PGM1: variants seen among roughly 807,000 people sequenced by gnomAD.
PGM1 encodes the protein phosphoglucomutase 1.
PGM1 carries 52 observed loss-of-function variants against 55.6 expected under a neutral mutation model. The ratio of observed to expected loss-of-function variants is 0.94; its 90% CI spans 0.75 to 1.18. The LOEUF is 1.18. Ranked by LOEUF, PGM1 falls within the 50% of genes most tolerant of loss-of-function variation. The probability of loss-of-function intolerance (pLI) is 0.00; values close to 1 mark genes in which losing one functional copy is unlikely to be tolerated. For missense variants in PGM1, 724 were observed against 729.3 expected (o/e 0.99, Z 0.08); for synonymous variants, 287 against 271.7 (o/e 1.06, Z -0.55).
At chr1:63,641,227 T>A (rs1471117518) in intron 7 of PGM1, among the ~76,000 whole-genome samples, 1 of 152,256 alleles carries the variant, frequency 6.6e-6, no homozygotes, top group Non-Finnish European at 1.5e-5. Flanking sequence ...CTTGGTATAT[T>A]TCATGTCCAA....
rs933809125 is a variant in PGM1, at chr1:63,631,565, A to G, written c.557-92A>G. 18 of 1,198,956 alleles carry G rather than the reference A, an allele frequency of 1.5e-5. No individual in the cohort carries two copies. In the African/African-American group the frequency reaches 2.4e-4, roughly 16 times the overall value. 74.3% of individuals were successfully genotyped at this position (1,198,956 alleles called of 1,614,324 possible). A position where few individuals can be genotyped will look rare whatever the true frequency, so the allele number is the denominator to read the frequency against. On this transcript the variant is annotated intron_variant, in intron 3 of 10. Transcript: ENST00000371084. ...CAATAATTGTCCTTTTAAAATAGCA[A>G]TAGCAGGTTTACAGCAATATAGTCA...
intron 6 of PGM1, among the ~76,000 whole-genome samples, chr1:63,638,462 T>C (rs1377961887): frequency 6.6e-6 from 1 of 152,224 alleles, no homozygotes; most frequent in African/African-American, 2.4e-5. Context: ...AACTCCATGA[T>C]CTGAATTAAT....
intron 1 of PGM1, among the ~76,000 whole-genome samples, chr1:63,616,853 A>G (rs2269263): frequency 0.11 from 16,623 of 152,226 alleles, 1,233 homozygotes; most frequent in Non-Finnish European, 0.15. Context: ...TTTTCTTTAG[A>G]GAACATTTCC....
chr1:63,636,647 G>T (rs1184454543), intron 6 of PGM1, among the ~76,000 whole-genome samples: 2 of 152,158 alleles, frequency 1.3e-5, no homozygotes, highest in African/African-American at 4.8e-5. Context: ...TTGATGGGCT[G>T]CCCTGCTAGA....
chr1:63,625,647 A>T (rs533306892), intron 1 of PGM1, among the ~76,000 whole-genome samples: 1 of 152,302 alleles, frequency 6.6e-6, no homozygotes, highest in Non-Finnish European at 1.5e-5. Context: ...ATTTTCTTTA[A>T]TACCCACTGT....
chr1:63,594,278 C>A, intron 1 of PGM1: 1 of 274,668 alleles, frequency 3.6e-6, no homozygotes, highest in Non-Finnish European at 5.4e-6. Context: ...GCACCCATCC[C>A]CCTGGGGCGT....
At chr1:63,606,186 T>C (rs1218969329) in intron 1 of PGM1, among the ~76,000 whole-genome samples, 2 of 152,224 alleles carry the variant, frequency 1.3e-5, no homozygotes, top group Middle Eastern at 6.3e-3. Context: ...ACAAATTTGG[T>C]TGGCCAGTGG....
chr1:63,629,641 C>CAAT, intron 2 of PGM1, 54 bp downstream of exon 2: 1 of 1,541,952 alleles, frequency 6.5e-7, no homozygotes, highest in Non-Finnish European at 8.9e-7. Flanking sequence ...TAGGACAAAT[C>CAAT]AATACCTGGA....
At chr1:63,651,566 G>A in intron 8 of PGM1, 103 bp from the exon 9 acceptor site, 11 of 1,102,850 alleles carry the variant, frequency 1.0e-5, no homozygotes, top group Non-Finnish European at 1.5e-5. Flanking sequence ...AAGTTAGATA[G>A]TTTTGCGGGA....
intron 9 of PGM1, among the ~76,000 whole-genome samples, chr1:63,653,814 A>G (rs1358035965): frequency 6.6e-6 from 1 of 152,264 alleles, no homozygotes; most frequent in South Asian, 2.1e-4. Context: ...TAGGTTGGGA[A>G]TAGCCAGTCT....
At chr1:63,634,660 T>C (rs1003005744) in intron 4 of PGM1, among the ~76,000 whole-genome samples, 169 bp from the exon 5 acceptor site, 1 of 152,178 alleles carries the variant, frequency 6.6e-6, no homozygotes, top group Non-Finnish European at 1.5e-5. Context: ...AACATTCTTC[T>C]CCAGTCAGGC....
intron 2 of PGM1, 44 bp downstream of exon 2, chr1:63,629,631 T>G (rs1014060007): frequency 1.3e-6 from 2 of 1,579,538 alleles, no homozygotes; most frequent in African/African-American, 1.3e-5. Context: ...TTACATTCAG[T>G]AGGACAAATC....
chr1:63,635,077 G>T, intron 5 of PGM1, 58 bp downstream of exon 5: 1 of 1,464,986 alleles, frequency 6.8e-7, no homozygotes, highest in Non-Finnish European at 9.6e-7. Context: ...TCCTGCAGAT[G>T]GGGAAAAAAG....
chr1:63,627,077 A>ACG (rs1649043794), intron 1 of PGM1, among the ~76,000 whole-genome samples: 2 of 115,634 alleles, frequency 1.7e-5, no homozygotes, highest in East Asian at 3.3e-4. Flanking sequence ...ACACACACAC[A>ACG]CACTTTTAAG....
chr1:63,626,816 A>G (rs992833926), intron 1 of PGM1, among the ~76,000 whole-genome samples: 1 of 152,112 alleles, frequency 6.6e-6, no homozygotes, highest in Non-Finnish European at 1.5e-5. Flanking sequence ...GCATATCTCT[A>G]GAAAGTTTTC....
chr1:63,595,571 A>G (rs1648038595), intron 1 of PGM1, among the ~76,000 whole-genome samples: 1 of 151,606 alleles, frequency 6.6e-6, no homozygotes, highest in Admixed American at 6.6e-5. Context: ...AATTCCCATG[A>G]AAGAAGAACA....
intron 1 of PGM1, among the ~76,000 whole-genome samples, chr1:63,607,927 T>C (rs1244231250): frequency 1.3e-5 from 2 of 152,248 alleles, no homozygotes; most frequent in South Asian, 2.1e-4. Context: ...TCATTAGACA[T>C]GGCTCCAGCC....
intron 9 of PGM1, 83 bp downstream of exon 9, chr1:63,651,935 T>G: frequency 7.6e-7 from 1 of 1,315,472 alleles, no homozygotes; most frequent in Non-Finnish European, 1.1e-6. Flanking sequence ...AAAAAGTTCC[T>G]GTTGGCTATT....
At chr1:63,608,849 A>G (rs372580332) in intron 1 of PGM1, among the ~76,000 whole-genome samples, 3 of 152,256 alleles carry the variant, frequency 2.0e-5, no homozygotes, top group African/African-American at 7.2e-5. Context: ...CTCCATATGT[A>G]GAAGTGGTAT....
Sources: allele counts gnomAD v4.1 joint callset (sites outside exome capture counted in the v4.1 genomes callset), GRCh38; gene constraint gnomAD v4.1.1; transcripts MANE v1.5; gene names NCBI Gene and HGNC (gene_info 2026-07-23, HGNC 2026-07-21).